The following ADCY5 variants were observed in gnomAD, a reference collection of about 807,000 sequenced individuals.
ADCY5 encodes the protein adenylate cyclase 5.
Under a neutral mutation model 119.7 loss-of-function variants are expected in ADCY5, and 30 were observed. That is an observed-to-expected ratio of 0.25 (90% CI 0.19 to 0.34). The LOEUF (loss-of-function observed/expected upper bound fraction) is 0.34, where lower values mean the gene tolerates loss of function less well. Ranked by LOEUF, ADCY5 falls within the 10% of genes least tolerant of loss-of-function variation. The pLI is 1.00. For missense variants in ADCY5, 1,324 were observed against 1,775.2 expected, an observed-to-expected ratio of 0.75 and a Z score of 4.57; for synonymous variants, 753 against 762.2, an observed-to-expected ratio of 0.99 and a Z score of 0.20.
intron 11 of ADCY5, among the ~76,000 whole-genome samples, chr3:123,316,425 T>C (rs969135028): frequency 1.1e-4 from 17 of 152,188 alleles, no homozygotes; most frequent in African/African-American, 4.1e-4. Context: ...TAGAATAAGG[T>C]CAGTAGATGA....
intron 1 of ADCY5, among the ~76,000 whole-genome samples, chr3:123,434,104 A>G (rs1945567389): frequency 6.6e-6 from 1 of 152,230 alleles, no homozygotes; most frequent in Non-Finnish European, 1.5e-5. Context: ...GGCCCTCCAC[A>G]CAGCTTCTGA....
chr3:123,424,690 C>G (rs895273956), intron 1 of ADCY5, among the ~76,000 whole-genome samples: 1 of 152,206 alleles, frequency 6.6e-6, no homozygotes, highest in Admixed American at 6.5e-5. Context: ...TTCTCCTTCT[C>G]CACCCCATGT....
chr3:123,333,931 C>T (rs1007107851), intron 3 of ADCY5, among the ~76,000 whole-genome samples: 21 of 152,142 alleles, frequency 1.4e-4, no homozygotes, highest in Non-Finnish European at 2.4e-4. Flanking sequence ...AGACACAGCC[C>T]GTCAGCGTCC....
chr3:123,395,367 T>C (rs1256178342), intron 1 of ADCY5, among the ~76,000 whole-genome samples: 1 of 152,106 alleles, frequency 6.6e-6, no homozygotes, highest in African/African-American at 2.4e-5. Context: ...GCCTCATATC[T>C]CCTGCCACTT....
At chr3:123,426,256 G>A (rs1044217107) in intron 1 of ADCY5, among the ~76,000 whole-genome samples, 6 of 151,862 alleles carry the variant, frequency 4.0e-5, no homozygotes, top group Non-Finnish European at 8.8e-5. Flanking sequence ...GTTCCTACCT[G>A]TAGGAGCTGA....
At chr3:123,431,301 C>T (rs1282737166) in intron 1 of ADCY5, among the ~76,000 whole-genome samples, 1 of 152,190 alleles carries the variant, frequency 6.6e-6, no homozygotes, top group African/African-American at 2.4e-5. Context: ...CCCTACTCAA[C>T]AGTGAAATAT....
chr3:123,338,481 G>A (rs73858740), intron 3 of ADCY5, among the ~76,000 whole-genome samples: 1 of 152,170 alleles, frequency 6.6e-6, no homozygotes, highest in Non-Finnish European at 1.5e-5. Context: ...CTGTTCTGCT[G>A]GCCAGGATTT....
At chr3:123,311,581 C>T (rs369912086) in intron 12 of ADCY5, among the ~76,000 whole-genome samples, 4 of 152,188 alleles carry the variant, frequency 2.6e-5, no homozygotes, top group East Asian at 1.9e-4. Flanking sequence ...TTCCAGAAAG[C>T]GGACAAACCC....
intron 2 of ADCY5, among the ~76,000 whole-genome samples, chr3:123,351,343 G>A (rs1274006178): frequency 6.6e-6 from 1 of 152,210 alleles, no homozygotes; most frequent in African/African-American, 2.4e-5. Context: ...GGTGGCCACA[G>A]CATGTGCTCC....
chr3:123,296,250 C>A (rs201365334), intron 16 of ADCY5, 34 bp from the exon 17 acceptor site: 81 of 1,602,386 alleles, frequency 5.1e-5, no homozygotes, highest in Non-Finnish European at 6.6e-5. Flanking sequence ...CTGAGACGGC[C>A]GTGGCTCCTC....
In ADCY5 at chr3:123,447,826, G is replaced by A. The variant is rs1445057333; in HGVS notation, c.720C>T (p.Ser240=). Reference sequence around the variant, plus strand: ...GCACGGCCATGAGCATGGTGAGGCTGCTCTGGTTCAGGCGGAAGAAGTAGC... The same window carrying A: ...GCACGGCCATGAGCATGGTGAGGCTACTCTGGTTCAGGCGGAAGAAGTAGC... The part of the protein sequence containing the change: ...YQRYFFRLNQ[S]SLTMLMAVLV... Residue 240 remains serine (S), a synonymous_variant, in exon 1 of 21, where the codon AGC becomes AGT. Coordinates refer to ENST00000462833, the MANE Select transcript of ADCY5 (RefSeq NM_183357.3). 2 of 1,612,850 alleles carry A rather than the reference G, an allele frequency of 1.2e-6. No individual in the cohort carries two copies. The highest frequency in any genetic ancestry group is 1.1e-5 in the South Asian group (1 of 91,088).
intron 1 of ADCY5, among the ~76,000 whole-genome samples, chr3:123,370,594 G>T (rs1215932351): frequency 6.6e-6 from 1 of 152,192 alleles, no homozygotes; most frequent in East Asian, 1.9e-4. Flanking sequence ...AGAAGTGGTG[G>T]AGCAACCCCA....
At chr3:123,421,561 C>G (rs932572184) in intron 1 of ADCY5, among the ~76,000 whole-genome samples, 2 of 152,150 alleles carry the variant, frequency 1.3e-5, no homozygotes, top group African/African-American at 4.8e-5. Flanking sequence ...GGAGTTCTCA[C>G]AGGGCAATTG....
At chr3:123,309,631 C>T (rs941677400) in intron 12 of ADCY5, among the ~76,000 whole-genome samples, 1 of 152,172 alleles carries the variant, frequency 6.6e-6, no homozygotes, top group Non-Finnish European at 1.5e-5. Flanking sequence ...GATGTGCATC[C>T]TGGACTGTCC....
At chr3:123,330,027 C>T (rs1277451960) in intron 5 of ADCY5, among the ~76,000 whole-genome samples, 3 of 152,214 alleles carry the variant, frequency 2.0e-5, no homozygotes, top group African/African-American at 4.8e-5. Flanking sequence ...TCCCTTACCT[C>T]GCCGTGTCCA....
intron 1 of ADCY5, among the ~76,000 whole-genome samples, chr3:123,424,778 G>A (rs576957589): frequency 2.0e-5 from 3 of 152,280 alleles, no homozygotes; most frequent in Admixed American, 6.5e-5. Context: ...GCGCATGCAC[G>A]CACGCGCGCA....
chr3:123,420,287 A>G (rs571500655), intron 1 of ADCY5: 1 of 152,330 alleles, frequency 6.6e-6, no homozygotes, highest in East Asian at 1.9e-4. Context: ...ACACACAGAT[A>G]CACCCTAGAT....
At chr3:123,359,339 T>TATATAC (rs1383906648) in intron 1 of ADCY5, among the ~76,000 whole-genome samples, 2 of 51,700 alleles carry the variant, frequency 3.9e-5, no homozygotes, top group East Asian at 2.4e-3. Context: ...AAAATATATA[T>TATATAC]ATATATATAT....
chr3:123,344,317 C>T (rs1942425636), intron 3 of ADCY5, among the ~76,000 whole-genome samples: 1 of 152,190 alleles, frequency 6.6e-6, no homozygotes, highest in African/African-American at 2.4e-5. Context: ...CATCACCCTC[C>T]ATTCGCCAAC....
Sources: allele counts gnomAD v4.1 joint callset (sites outside exome capture counted in the v4.1 genomes callset), GRCh38; gene constraint gnomAD v4.1.1; transcripts MANE v1.5; gene names NCBI Gene and HGNC (gene_info 2026-07-23, HGNC 2026-07-21).